The following AKAP10 variants were observed in gnomAD, a reference collection of about 807,000 sequenced individuals.
The protein encoded by AKAP10 is A-kinase anchor protein 10, mitochondrial.
AKAP10 carries 24 observed loss-of-function variants against 80.8 expected under a neutral mutation model. The observed-to-expected ratio is 0.30, with a 90% CI of 0.22 to 0.42. AKAP10 has a LOEUF of 0.42. AKAP10 is among the 10% of genes least tolerant of loss of function. The pLI is 1.00. For synonymous variants in AKAP10, 291 were observed against 277.7 expected (o/e 1.05, Z -0.48); for missense variants, 661 against 794.9 (o/e 0.83, Z 2.03).
At chr17:19,915,404 C>T (rs1172467299) in intron 12 of AKAP10, among the ~76,000 whole-genome samples, 1 of 152,184 alleles carries the variant, frequency 6.6e-6, no homozygotes, top group Non-Finnish European at 1.5e-5. Flanking sequence ...TGGAGTAAAA[C>T]AGACTGAGAC....
At chr17:19,922,771 G>A (rs891308563) in intron 11 of AKAP10, among the ~76,000 whole-genome samples, 3 of 152,180 alleles carry the variant, frequency 2.0e-5, no homozygotes, top group South Asian at 2.1e-4. Context: ...GTGGTGGCAC[G>A]TGCCTGTAGT....
rs548465256 is a variant in AKAP10, at chr17:19,922,757, G to A, written c.1751+1651C>T. Among the ~76,000 whole-genome samples, 8 of 152,138 alleles carry A rather than the reference G, an allele frequency of 5.3e-5. No individual in the cohort carries two copies. The South Asian group carries it at 6.2e-4, about 12-fold the overall frequency. ...CTACTAAAAATACAAAAAATTAGCC[G>A]GGCGTGGTGGCACGTGCCTGTAGTC... On this transcript the variant is annotated intron_variant, in intron 11 of 14. Coordinates refer to ENST00000225737, the MANE Select transcript of AKAP10 (RefSeq NM_007202.4).
chr17:19,907,055 T>G (rs2042639020), intron 14 of AKAP10, among the ~76,000 whole-genome samples: 1 of 152,044 alleles, frequency 6.6e-6, no homozygotes, highest in Non-Finnish European at 1.5e-5. Flanking sequence ...TTCACTCTTG[T>G]GGCCCAAGCT....
At chr17:19,956,768 G>A (rs1282094440) in intron 4 of AKAP10, among the ~76,000 whole-genome samples, 1 of 152,036 alleles carries the variant, frequency 6.6e-6, no homozygotes, top group Non-Finnish European at 1.5e-5. Context: ...ACTTTGGGAG[G>A]CCGAGGCAGG....
chr17:19,921,614 T>G (rs777408036), intron 11 of AKAP10, among the ~76,000 whole-genome samples: 20 of 151,832 alleles, frequency 1.3e-4, no homozygotes, highest in Non-Finnish European at 2.4e-4. Context: ...GATGGAAGGA[T>G]TGCTTGAGCC....
chr17:19,963,586 G>A (rs979532097), intron 2 of AKAP10, among the ~76,000 whole-genome samples: 4 of 151,880 alleles, frequency 2.6e-5, no homozygotes, highest in African/African-American at 9.7e-5. Flanking sequence ...TGCTTGGGGT[G>A]GGGGGAACCT....
chr17:19,924,468 G>A lies in AKAP10; in HGVS notation c.1691C>T (p.Ala564Val), dbSNP rs142084873. ...CAGACTTGCCGCATCCACAATTATC[G>A]CTTCATCAAAATTTTTCAGTATTTT... ...SIKILKNFDE[A>V]IIVDAASLDP... Residue 564 changes from alanine to valine, a missense_variant, in exon 11 of 15, where the codon GCG becomes GTG. Physicochemically the swap from Ala to Val is moderately conservative, Grantham distance 64 (BLOSUM62 0). Coordinates refer to ENST00000225737, the MANE Select transcript of AKAP10 (RefSeq NM_007202.4). The A allele has an allele frequency of 1.0e-4, 160 of 1,605,786 alleles. No homozygotes were observed. The African/African-American group carries it at 1.4e-3, about 14-fold the overall frequency.
At position 19,941,089 on chromosome 17, in the gene AKAP10, C is replaced by T. The variant is rs531616999; in HGVS notation, c.1062-79G>A. ...GTGGGAAAAATATACTCTTTCCATA[C>T]TGTCCCTATTGTATCTTAAAGGCCT... On this transcript the variant is annotated intron_variant, in intron 6 of 14. Coordinates refer to ENST00000225737, the MANE Select transcript of AKAP10 (RefSeq NM_007202.4). 7.4e-5 allele frequency: 108 copies of T among 1,466,482 alleles called. No individual in the cohort carries two copies. In the East Asian group the frequency reaches 2.5e-3, roughly 34 times the overall value. 90.8% of individuals were successfully genotyped at this position (1,466,482 alleles called of 1,614,324 possible).
At chr17:19,946,238 TA>T (rs2043114300) in intron 5 of AKAP10, among the ~76,000 whole-genome samples, 1 of 8,792 alleles carries the variant, frequency 1.1e-4, no homozygotes, top group Non-Finnish European at 1.8e-4. Context: ...ATATATATAT[TA>T]TATATATATA....
intron 10 of AKAP10, chr17:19,929,668 T>G (rs982978951): frequency 6.6e-6 from 1 of 152,118 alleles, no homozygotes; most frequent in Non-Finnish European, 1.5e-5. Context: ...TAGGCCTTTC[T>G]TAAGTGCCTA....
chr17:19,939,013 T>G (rs946113348), intron 8 of AKAP10, among the ~76,000 whole-genome samples: 1 of 152,088 alleles, frequency 6.6e-6, no homozygotes, highest in Non-Finnish European at 1.5e-5. Flanking sequence ...ATTACAGGAG[T>G]GAGCCACCGT....
rs114185994 is a variant in AKAP10 at position 19,949,299 on chromosome 17, C to T, written c.878-1794G>A. On this transcript the variant is annotated intron_variant, in intron 4 of 14. Transcript: ENST00000225737. Reference sequence around the variant, plus strand: ...AGACTCAATAACAGAATGGAAATAACGGGAAAGAACCAGTGAATTTGAAGA... The same window carrying T: ...AGACTCAATAACAGAATGGAAATAATGGGAAAGAACCAGTGAATTTGAAGA... Among the ~76,000 whole-genome samples, 605 of 151,746 alleles carry T rather than the reference C, an allele frequency of 4.0e-3. 6 individuals carry two copies. The highest frequency in any genetic ancestry group is 0.014 in the African/African-American group (578 of 41,380).
intron 9 of AKAP10, 31 bp downstream of exon 9, chr17:19,936,255 G>T (rs776980345): frequency 6.3e-7 from 1 of 1,591,510 alleles, no homozygotes. Context: ...AAAACTTCTT[G>T]TAGTTTGATA....
At chr17:19,940,128 T>G (rs894945433) in intron 7 of AKAP10, among the ~76,000 whole-genome samples, 1 of 152,226 alleles carries the variant, frequency 6.6e-6, no homozygotes, top group African/African-American at 2.4e-5. Context: ...TAAACTGGAT[T>G]TGTGGTTCCT....
intron 12 of AKAP10, among the ~76,000 whole-genome samples, chr17:19,910,267 A>C (rs1834377902): frequency 6.7e-6 from 1 of 149,146 alleles, no homozygotes; most frequent in Middle Eastern, 3.3e-3. Context: ...CAGAGGTTGA[A>C]GCGAGCTGAG....
At chr17:19,939,669 TG>T (rs1250647743) in intron 8 of AKAP10, 43 bp downstream of exon 8, 13 of 1,584,624 alleles carry the variant, frequency 8.2e-6, no homozygotes, top group African/African-American at 1.4e-5. Context: ...ACATATCAAA[TG>T]TTCAATAAGT....
chr17:19,939,334 G>C (rs2043027676), intron 8 of AKAP10, among the ~76,000 whole-genome samples: 1 of 152,136 alleles, frequency 6.6e-6, no homozygotes, highest in Non-Finnish European at 1.5e-5. Flanking sequence ...CTAAACTCAA[G>C]TTTCTTGAAA....
rs1567765749 is a variant in AKAP10, at chr17:19,946,254, TATATATATATATATATATA to T, written c.976+1134_976+1152del. 2.4e-4 allele frequency among the ~76,000 whole-genome samples: 6 copies of T among 24,816 alleles called. 2 individuals are homozygous for T. Among genetic ancestry groups the T allele is most frequent in the East Asian group, 1.2e-3 (1 of 852 alleles). The allele number at this position is 24,816 out of a possible 152,430, so 16.3% of individuals were successfully genotyped here. On this transcript the variant is annotated intron_variant, in intron 5 of 14. Coordinates refer to ENST00000225737, the MANE Select transcript of AKAP10 (RefSeq NM_007202.4). ...TATATATATTATATATATATATATA[TATATATATATATATATATA>T]TATTTTTTTTTTTTTTTTTTTTTTT...
At chr17:19,955,916 C>G (rs1428919370) in intron 4 of AKAP10, among the ~76,000 whole-genome samples, 2 of 152,020 alleles carry the variant, frequency 1.3e-5, no homozygotes, top group African/African-American at 2.4e-5. Flanking sequence ...ACTGAATTCT[C>G]TCAAAATGTT....
Sources: allele counts gnomAD v4.1 joint callset (sites outside exome capture counted in the v4.1 genomes callset), GRCh38; gene constraint gnomAD v4.1.1; transcripts MANE v1.5; gene names NCBI Gene and HGNC (gene_info 2026-07-23, HGNC 2026-07-21).